PLCD3: variants seen among roughly 807,000 people sequenced by gnomAD.
PLCD3 encodes the protein phospholipase C delta 3, also known as 1-phosphatidylinositol 4,5-bisphosphate phosphodiesterase delta-3.
A neutral mutation model predicts 82.8 loss-of-function variants in PLCD3; 62 were observed. That is an observed-to-expected ratio of 0.75 (90% CI 0.61 to 0.93). PLCD3 has a LOEUF of 0.93. PLCD3 is among the 40% of genes least tolerant of loss of function. PLCD3 has a pLI of 0.00. For missense variants in PLCD3, 1,023 were observed against 1,103.4 expected (o/e 0.93, Z 1.03); for synonymous variants, 478 against 471.8 (o/e 1.01, Z -0.17).
At chr17:45,121,495 T>C in intron 1 of PLCD3, 123 bp from the exon 2 acceptor site, 1 of 1,173,138 alleles carries the variant, frequency 8.5e-7, no homozygotes, top group East Asian at 2.9e-5. Context: ...CATCCCACAG[T>C]AAGCTTCCCT....
chr17:45,123,307 G>C (rs779999369), intron 1 of PLCD3, among the ~76,000 whole-genome samples: 5 of 152,216 alleles, frequency 3.3e-5, no homozygotes, highest in Non-Finnish European at 7.3e-5. Flanking sequence ...TTGTCCTCAA[G>C]TGGACATTCT....
In PLCD3 at chr17:45,121,335, C is replaced by A. The variant is rs957805236; in HGVS notation, c.201G>T (p.Arg67=). The change falls in exon 2 of 15, where the codon CGG becomes CGT. Residue 67 remains arginine, a synonymous_variant. Transcript: ENST00000619929. ...AGCGGATCTTGCGGAGCCGGGAGCC[C>A]CGCAGCATGGCGCGCACGTCCTCGT... ...TEDEDVRAML[R]GSRLRKIRSR... 96 of 1,551,520 alleles carry A rather than the reference C, an allele frequency of 6.2e-5. No individual in the cohort carries two copies. Among genetic ancestry groups the A allele is most frequent in the Non-Finnish European group, 7.9e-5 (92 of 1,157,328 alleles).
intron 10 of PLCD3, 135 bp from the exon 11 acceptor site, chr17:45,114,501 C>A (rs2054273970): frequency 1.6e-6 from 1 of 638,786 alleles, no homozygotes; most frequent in African/African-American, 1.9e-5. Context: ...TCTCTTCTGA[C>A]CTAGAGTGAG....
At position 45,112,657 on chromosome 17, in the gene PLCD3, G is replaced by A. The variant is rs375970055; in HGVS notation, c.2329C>T (p.Pro777Ser). The change falls in exon 15 of 15, where the codon CCA becomes TCA. Residue 777 changes from proline (P) to serine (S), a missense_variant. By Grantham distance (74) the Pro-to-Ser change is moderately conservative. Transcript: ENST00000619929. Reference protein sequence around the residue: ...LLSKDGASLSPATLFIQIRIQ... With the variant: ...LLSKDGASLSSATLFIQIRIQ... ...CGGATTTGGATGAAGAGCGTGGCTG[G>A]TGACAGTGAGGCCCCGTCCTTGGAA... 6.2e-7 allele frequency: 1 copy of A among 1,607,522 alleles called. No individual in the cohort carries two copies. The highest frequency in any genetic ancestry group is 8.5e-7 in the Non-Finnish European group (1 of 1,177,340).
chr17:45,113,784 G>A (rs1270823630), intron 11 of PLCD3, among the ~76,000 whole-genome samples, 179 bp from the exon 12 acceptor site: 3 of 151,966 alleles, frequency 2.0e-5, no homozygotes, highest in Non-Finnish European at 4.4e-5. Context: ...ACTGTCACCT[G>A]TACTTCTGCC....
Position 45,112,628 on chromosome 17 carries a change from G to T in PLCD3, c.2358C>A (p.Ile786=). The T allele has an allele frequency of 6.2e-7, 1 of 1,602,768 alleles. No individual in the cohort carries two copies. The highest frequency in any genetic ancestry group is 8.5e-7 in the Non-Finnish European group (1 of 1,175,058). The change falls in exon 15 of 15, where the codon ATC becomes ATA. Residue 786 remains isoleucine, a synonymous_variant. Transcript: ENST00000619929. ...SPATLFIQIR[I]QRS is the part of the protein sequence containing the mutation. ...GTGAGGTGGGCCCTCAGGAGCGCTG[G>T]ATGCGGATTTGGATGAAGAGCGTGG... is the stretch of plus-strand genomic sequence containing the variant.
At chr17:45,127,724 G>A (rs964942806) in intron 1 of PLCD3, among the ~76,000 whole-genome samples, 2 of 152,124 alleles carry the variant, frequency 1.3e-5, no homozygotes, top group African/African-American at 4.8e-5. Context: ...GGCAGGGTGT[G>A]TGTGGGGTGT....
chr17:45,113,634 G>T (rs985565774), intron 11 of PLCD3, 29 bp from the exon 12 acceptor site: 3 of 1,550,354 alleles, frequency 1.9e-6, no homozygotes, highest in Non-Finnish European at 2.6e-6. Flanking sequence ...CAGAGCAGGG[G>T]CTCTTAGCGG....
rs893467381 is a variant in PLCD3, at chr17:45,121,482, C to T, written c.164-110G>A. 9 of 1,282,290 alleles carry T rather than the reference C, an allele frequency of 7.0e-6. No homozygotes were observed. In the African/African-American group the frequency reaches 1.2e-4, roughly 18 times the overall value. 79.4% of individuals were successfully genotyped at this position (1,282,290 alleles called of 1,614,324 possible). On this transcript the variant is annotated intron_variant, in intron 1 of 14. Transcript: ENST00000619929. ...TCCTCCAGCCTCTCCAAACCCAGGCCTTCATCCCACAGTAAGCTTCCCTCC... is the reference window on the plus strand; with the variant it reads ...TCCTCCAGCCTCTCCAAACCCAGGCTTTCATCCCACAGTAAGCTTCCCTCC...
At position 45,120,411 on chromosome 17, in the gene PLCD3, T is replaced by A; in HGVS notation, c.598A>T (p.Ser200Cys). 1 of 1,614,032 alleles carries A rather than the reference T, an allele frequency of 6.2e-7. No individual in the cohort carries two copies. Among genetic ancestry groups the A allele is most frequent in the Non-Finnish European group, 8.5e-7 (1 of 1,179,872 alleles). Residue 200 changes from serine to cysteine, a missense_variant, in exon 4 of 15, where the codon AGC (serine) becomes TGC (cysteine). By Grantham distance (112) the Ser-to-Cys change is moderately radical. Around this residue, in one of 3 missense-constraint regions of PLCD3, gnomAD observed 448 missense variants for 406.3 expected, o/e 1.10. Transcript: ENST00000619929. The stretch of plus-strand genomic sequence containing the variant: ...TTGATCTCCTTGAAGCTCATCTTGC[T>A]GTCCTGGTTGGAGTCAGCCCGGTGC... The part of the protein sequence containing the change: ...YLHRADSNQD[S>C]KMSFKEIKSL...
chr17:45,128,850 G>C (rs1343095119), intron 1 of PLCD3, among the ~76,000 whole-genome samples: 1 of 152,248 alleles, frequency 6.6e-6, no homozygotes, highest in Non-Finnish European at 1.5e-5. Context: ...TGGCAGCCCT[G>C]TGAGGACGCT....
intron 10 of PLCD3, among the ~76,000 whole-genome samples, chr17:45,114,751 C>T (rs1279176036): frequency 2.6e-5 from 4 of 152,122 alleles, no homozygotes; most frequent in Non-Finnish European, 5.9e-5. Context: ...GCTTCCTAGT[C>T]CTCCAGGTGA....
In PLCD3 at chr17:45,110,044, C is replaced by T. The variant is rs2054229433; in HGVS notation, c.*2572G>A. 2.0e-5 allele frequency: 3 copies of T among 151,938 alleles called. No homozygotes were observed. Among genetic ancestry groups the T allele is most frequent in the African/African-American group, 7.3e-5 (3 of 41,300 alleles). 9.4% of individuals were successfully genotyped at this position (151,938 alleles called of 1,614,324 possible). A position where few individuals can be genotyped will look rare whatever the true frequency, so the allele number is the denominator to read the frequency against. On this transcript the variant is annotated 3_prime_UTR_variant, in exon 15 of 15. Transcript: ENST00000619929. The stretch of plus-strand genomic sequence containing the variant: ...AGTGAGCCAAGGTCGTGCCACTGCA[C>T]TCTAGCCTAGGCGACAGAGCGAGAC...
chr17:45,116,509 CAG>C (rs2054292694), intron 8 of PLCD3, 121 bp downstream of exon 8: 2 of 1,081,916 alleles, frequency 1.8e-6, no homozygotes, highest in South Asian at 3.7e-5. Context: ...AACAGAGGAA[CAG>C]AGAAAAGTTA....
Position 45,118,025 on chromosome 17 carries a change from A to G in PLCD3, c.1229T>C (p.Val410Ala). ...TLTSKILFRD[V>A]VQAVRDHAFT... Reference sequence around the variant, plus strand: ...GGCATGGTCGCGCACGGCTTGGACCACGTCCCGGAAGAGAATCTTGGAGGT... The same window carrying G: ...GGCATGGTCGCGCACGGCTTGGACCGCGTCCCGGAAGAGAATCTTGGAGGT... The change falls in exon 7 of 15, where the codon GTG (valine) becomes GCG (alanine). Residue 410 changes from valine to alanine, a missense_variant. By Grantham distance (64) the Val-to-Ala change is moderately conservative (BLOSUM62 0). Transcript: ENST00000619929. The surrounding 1 kb of genome is among the most constrained non-coding windows in gnomAD (Gnocchi z 4.1). The G allele has an allele frequency of 6.2e-7, 1 of 1,613,700 alleles. No individual in the cohort carries two copies. Among genetic ancestry groups the G allele is most frequent in the Non-Finnish European group, 8.5e-7 (1 of 1,179,796 alleles).
chr17:45,114,993 C>T (rs1360704386), intron 10 of PLCD3, 101 bp downstream of exon 10: 1 of 1,465,362 alleles, frequency 6.8e-7, no homozygotes, highest in African/African-American at 1.4e-5. Context: ...GTCCTCTTGA[C>T]CTCTTTACTG....
At chr17:45,123,247 C>T (rs2143579511) in intron 1 of PLCD3, among the ~76,000 whole-genome samples, 1 of 152,290 alleles carries the variant, frequency 6.6e-6, no homozygotes, top group South Asian at 2.1e-4. Context: ...CTATCTGAGT[C>T]CTTGAAGGAC....
chr17:45,123,967 A>ACTCCC (rs1491499788), intron 1 of PLCD3, among the ~76,000 whole-genome samples: 2 of 138,406 alleles, frequency 1.4e-5, no homozygotes, highest in Admixed American at 7.2e-5. Flanking sequence ...CCCCCCCCCC[A>ACTCCC]ACCAGGTCCA....
In PLCD3 at chr17:45,118,489, T is replaced by C. The variant is rs1598030731; in HGVS notation, c.917A>G (p.Lys306Arg). 6.2e-7 allele frequency: 1 copy of C among 1,613,892 alleles called. No homozygotes were observed. The change falls in exon 6 of 15, where the codon AAG becomes AGG. Residue 306 changes from lysine (K) to arginine (R), a missense_variant. Coordinates refer to ENST00000619929, the MANE Select transcript of PLCD3 (RefSeq NM_133373.5). The surrounding 1 kb of genome is among the most constrained non-coding windows in gnomAD (Gnocchi z 4.1). ...IQTYELNETAKQHELMTLDGF... is the reference protein window; with the variant it reads ...IQTYELNETARQHELMTLDGF... ...ATCCAGTGTCATCAGCTCATGCTGC[T>C]TGGCTGCAGGGGTGGCAGGAGAGGG...
Sources: allele counts gnomAD v4.1 joint callset (sites outside exome capture counted in the v4.1 genomes callset), GRCh38; gene constraint gnomAD v4.1.1; regional missense constraint gnomAD v4.1.1; non-coding constraint Gnocchi (gnomAD v3.1); transcripts MANE v1.5; gene names NCBI Gene and HGNC (gene_info 2026-07-23, HGNC 2026-07-21).